PITPNC1: variants seen among roughly 807,000 people sequenced by gnomAD.
The protein encoded by PITPNC1 is cytoplasmic phosphatidylinositol transfer protein 1.
PITPNC1 carries 18 observed loss-of-function variants against 44.7 expected under a neutral mutation model. The ratio of observed to expected loss-of-function variants is 0.40; its 90% CI spans 0.28 to 0.60. The LOEUF is 0.60. Ranked by LOEUF, PITPNC1 falls within the 20% of genes least tolerant of loss-of-function variation. The pLI is 0.39. For synonymous variants in PITPNC1, 141 were observed against 149.6 expected (o/e 0.94, Z 0.42); for missense variants, 290 against 418.4 (o/e 0.69, Z 2.68).
At chr17:67,569,737 G>A (rs2041026675) in intron 4 of PITPNC1, among the ~76,000 whole-genome samples, 1 of 152,116 alleles carries the variant, frequency 6.6e-6, no homozygotes, top group Non-Finnish European at 1.5e-5. Context: ...TGACAGGAGA[G>A]CTCCTGCCTT....
At chr17:67,534,601 T>TGTACTCCA (rs1484407350) in intron 2 of PITPNC1, among the ~76,000 whole-genome samples, 1 of 151,152 alleles carries the variant, frequency 6.6e-6, no homozygotes, top group Non-Finnish European at 1.5e-5. Flanking sequence ...ATCATGCCAC[T>TGTACTCCA]GTACTCCAGC....
intron 6 of PITPNC1, among the ~76,000 whole-genome samples, chr17:67,654,403 CAAT>C (rs2144372847): frequency 6.6e-6 from 1 of 152,282 alleles, no homozygotes; most frequent in African/African-American, 2.4e-5. Context: ...TACAGGATAA[CAAT>C]AAACTCATAG....
At chr17:67,428,404 A>G (rs1267056100) in intron 1 of PITPNC1, among the ~76,000 whole-genome samples, 1 of 151,964 alleles carries the variant, frequency 6.6e-6, no homozygotes, top group Non-Finnish European at 1.5e-5. Context: ...GCAGGGCATC[A>G]TGGTGCACAC....
At chr17:67,434,412 G>A (rs1243859105) in intron 1 of PITPNC1, among the ~76,000 whole-genome samples, 3 of 152,148 alleles carry the variant, frequency 2.0e-5, no homozygotes, top group Admixed American at 2.0e-4. Context: ...CCACTCCCAA[G>A]TAGCGTTTCC....
At chr17:67,608,887 C>T (rs2041650700) in intron 5 of PITPNC1, among the ~76,000 whole-genome samples, 1 of 152,000 alleles carries the variant, frequency 6.6e-6, no homozygotes, top group Non-Finnish European at 1.5e-5. Flanking sequence ...CTGGGTTTTC[C>T]CCATTGTGTT....
intron 1 of PITPNC1, among the ~76,000 whole-genome samples, chr17:67,515,908 G>A (rs2040252768): frequency 6.6e-6 from 1 of 152,198 alleles, no homozygotes; most frequent in East Asian, 1.9e-4. Flanking sequence ...CATTTTGTGA[G>A]TCCAAATTAG....
intron 4 of PITPNC1, among the ~76,000 whole-genome samples, chr17:67,554,874 G>A (rs1045353904): frequency 1.3e-5 from 2 of 152,110 alleles, no homozygotes; most frequent in Non-Finnish European, 1.5e-5. Context: ...AATTCACACT[G>A]GTCCTCGACT....
intron 1 of PITPNC1, among the ~76,000 whole-genome samples, chr17:67,421,575 A>G (rs2038673885): frequency 6.6e-6 from 1 of 152,052 alleles, no homozygotes; most frequent in African/African-American, 2.4e-5. Flanking sequence ...GAGCCACTGT[A>G]CCAGGCTAGA....
chr17:67,528,631 A>G (rs916543284), intron 1 of PITPNC1, among the ~76,000 whole-genome samples: 2 of 152,208 alleles, frequency 1.3e-5, no homozygotes, highest in Admixed American at 1.3e-4. Flanking sequence ...CAAGCGTCCT[A>G]AAGACAGAAC....
chr17:67,385,969 A>T (rs981187231), intron 1 of PITPNC1, among the ~76,000 whole-genome samples: 1 of 152,188 alleles, frequency 6.6e-6, no homozygotes, highest in Admixed American at 6.5e-5. Context: ...AACTGTTGTT[A>T]ACAAAACCCT....
At chr17:67,404,821 T>C (rs913193054) in intron 1 of PITPNC1, among the ~76,000 whole-genome samples, 6 of 152,180 alleles carry the variant, frequency 3.9e-5, no homozygotes, top group Admixed American at 3.9e-4. Context: ...CCAGGCATGG[T>C]GTAGATTATG....
At chr17:67,553,337 A>C in intron 3 of PITPNC1, 1 of 297,456 alleles carries the variant, frequency 3.4e-6, no homozygotes, top group South Asian at 1.6e-4. Context: ...TATAATGCCA[A>C]CTCTTTGGTT....
At chr17:67,600,793 A>G (rs1218018267) in intron 5 of PITPNC1, among the ~76,000 whole-genome samples, 1 of 151,418 alleles carries the variant, frequency 6.6e-6, no homozygotes, top group African/African-American at 2.4e-5. Context: ...TTTTAATGCA[A>G]TTACTTTTGC....
chr17:67,572,287 G>A (rs1268398738), intron 4 of PITPNC1, among the ~76,000 whole-genome samples: 1 of 151,960 alleles, frequency 6.6e-6, no homozygotes, highest in Non-Finnish European at 1.5e-5. Context: ...AGGGAACAGC[G>A]CATATTTTGA....
intron 1 of PITPNC1, among the ~76,000 whole-genome samples, chr17:67,507,746 G>A (rs1203465490): frequency 1.3e-5 from 2 of 151,202 alleles, no homozygotes; most frequent in Non-Finnish European, 2.9e-5. Context: ...GAGACCAGGG[G>A]CAGGAGAGCA....
intron 4 of PITPNC1, among the ~76,000 whole-genome samples, chr17:67,569,721 A>C (rs1257235924): frequency 6.6e-6 from 1 of 152,180 alleles, no homozygotes; most frequent in Non-Finnish European, 1.5e-5. Context: ...AAAATCAAAG[A>C]TGAGATGACA....
At chr17:67,563,306 A>G (rs1266956436) in intron 4 of PITPNC1, among the ~76,000 whole-genome samples, 1 of 152,226 alleles carries the variant, frequency 6.6e-6, no homozygotes, top group Non-Finnish European at 1.5e-5. Context: ...GATAGCAGGG[A>G]ACACGTTCTA....
intron 1 of PITPNC1, among the ~76,000 whole-genome samples, chr17:67,487,895 G>A (rs2039803769): frequency 6.6e-6 from 1 of 152,180 alleles, no homozygotes; most frequent in Non-Finnish European, 1.5e-5. Flanking sequence ...CCCTGTATAG[G>A]ATCATCACGG....
At chr17:67,531,332 C>G (rs779193492) in intron 1 of PITPNC1, among the ~76,000 whole-genome samples, 6 of 152,226 alleles carry the variant, frequency 3.9e-5, no homozygotes, top group African/African-American at 1.2e-4. Flanking sequence ...CCTGCAAGCA[C>G]AGGTGCACAC....
Sources: gnomAD v4.1 joint callset for allele counts (sites outside exome capture counted in the v4.1 genomes callset) on GRCh38, gnomAD v4.1.1 for gene constraint, MANE v1.5 for transcripts, NCBI Gene and HGNC (gene_info 2026-07-23, HGNC 2026-07-21) for gene names.